DIAPH3: variants seen among roughly 807,000 people sequenced by gnomAD.
The protein encoded by DIAPH3 is protein diaphanous homolog 3.
DIAPH3 carries 117 observed loss-of-function variants against 144.3 expected under a neutral mutation model. The ratio of observed to expected loss-of-function variants is 0.81; its 90% CI spans 0.70 to 0.95. The LOEUF (loss-of-function observed/expected upper bound fraction) is 0.95. DIAPH3 is among the 40% of genes least tolerant of loss of function. DIAPH3 has a pLI of 0.00. For missense variants in DIAPH3, 1,421 were observed against 1,412.7 expected, an observed-to-expected ratio of 1.01 and a Z score of -0.09; for synonymous variants, 519 against 488.9, an observed-to-expected ratio of 1.06 and a Z score of -0.81.
intron 9 of DIAPH3, 22 bp from the exon 10 acceptor site, chr13:59,992,605 G>C: frequency 3.2e-6 from 5 of 1,570,308 alleles, no homozygotes; most frequent in Non-Finnish European, 4.4e-6. Flanking sequence ...CAAACAGTGA[G>C]ACAGACTGGG....
chr13:59,792,711 C>A (rs2039391046), intron 25 of DIAPH3, among the ~76,000 whole-genome samples: 1 of 152,174 alleles, frequency 6.6e-6, no homozygotes, highest in South Asian at 2.1e-4. Context: ...GTTTTCATAT[C>A]CTTGACTATC....
chr13:60,014,988 T>TGTTTTG (rs2053540479), intron 7 of DIAPH3, among the ~76,000 whole-genome samples: 1 of 151,642 alleles, frequency 6.6e-6, no homozygotes, highest in Non-Finnish European at 1.5e-5. Flanking sequence ...TGTTTTGTTT[T>TGTTTTG]GTTTTGTTTT....
At chr13:59,980,994 ATAT>A (rs2050969893) in intron 13 of DIAPH3, 135 bp from the exon 14 acceptor site, 3 of 691,774 alleles carry the variant, frequency 4.3e-6, no homozygotes, top group Non-Finnish European at 7.2e-6. Context: ...AATGGAAAAA[ATAT>A]TATAATGTTG....
intron 27 of DIAPH3, among the ~76,000 whole-genome samples, chr13:59,712,014 C>T (rs1402685910): frequency 6.6e-6 from 1 of 152,010 alleles, no homozygotes; most frequent in Non-Finnish European, 1.5e-5. Context: ...TCTCTTGGGA[C>T]AATAAAACAC....
At position 59,758,779 on chromosome 13, in the gene DIAPH3, C is replaced by CT. The variant is rs869088245; in HGVS notation, c.3319+15409dup. ...TCACAGAGGCAAGAATTTTCTCTCT[C>CT]TTTTTTTTTTTTTTTTAAGAGACAG... On this transcript the variant is annotated intron_variant, in intron 27 of 27. Transcript: ENST00000400324. 6.3e-3 allele frequency among the ~76,000 whole-genome samples: 875 copies of CT among 139,102 alleles called. 7 individuals carry two copies. The highest frequency in any genetic ancestry group is 0.061 in the East Asian group (290 of 4,778). 91.3% of individuals were successfully genotyped at this position (139,102 alleles called of 152,430 possible).
intron 19 of DIAPH3, among the ~76,000 whole-genome samples, chr13:59,915,479 T>C (rs1033312298): frequency 3.3e-5 from 5 of 152,150 alleles, no homozygotes; most frequent in African/African-American, 1.2e-4. Context: ...ATATCCGCTA[T>C]CAGAACAAAA....
intron 25 of DIAPH3, among the ~76,000 whole-genome samples, chr13:59,776,920 T>TAACAA (rs928057677): frequency 6.6e-6 from 1 of 151,726 alleles, no homozygotes; most frequent in Non-Finnish European, 1.5e-5. Flanking sequence ...GCTCAAGGCT[T>TAACAA]AACAAAACAA....
intron 27 of DIAPH3, among the ~76,000 whole-genome samples, chr13:59,719,114 G>T (rs2035207518): frequency 6.6e-6 from 1 of 152,026 alleles, no homozygotes; most frequent in Admixed American, 6.6e-5. Context: ...AAACAAAACA[G>T]TAGGCTGCTC....
At position 59,696,722 on chromosome 13, in the gene DIAPH3, T is replaced by C. The variant is rs555040718; in HGVS notation, c.3320-29876A>G. ...CAGACAAAGAGTTGGTTTGCAGTAA[T>C]TTCTGTAATGCTAAATTGAATTTTC... On this transcript the variant is annotated intron_variant, in intron 27 of 27. Coordinates refer to ENST00000400324, the MANE Select transcript of DIAPH3 (RefSeq NM_001042517.2). Among the ~76,000 whole-genome samples, 7 of 152,314 alleles carry C rather than the reference T, an allele frequency of 4.6e-5. No homozygotes were observed. The East Asian group carries it at 1.4e-3, about 29-fold the overall frequency.
chr13:59,884,043 C>T (rs1010747591), intron 20 of DIAPH3, among the ~76,000 whole-genome samples: 7 of 152,138 alleles, frequency 4.6e-5, no homozygotes, highest in African/African-American at 9.7e-5. Context: ...CGGGCCTGAG[C>T]GAGCAGGTGA....
At chr13:59,917,578 A>G (rs1250776974) in intron 18 of DIAPH3, among the ~76,000 whole-genome samples, 1 of 152,256 alleles carries the variant, frequency 6.6e-6, no homozygotes, top group East Asian at 1.9e-4. Context: ...AAGATGAAAT[A>G]TGTAAATGGT....
At chr13:60,147,243 T>A (rs1952508969) in intron 1 of DIAPH3, 1 of 152,190 alleles carries the variant, frequency 6.6e-6, no homozygotes, top group African/African-American at 2.4e-5. Context: ...TTGTGCAAAT[T>A]CCTATTTACA....
intron 14 of DIAPH3, 45 bp downstream of exon 14, chr13:59,980,750 A>C (rs1314790157): frequency 6.6e-7 from 1 of 1,516,968 alleles, no homozygotes; most frequent in South Asian, 1.1e-5. Flanking sequence ...GCATGCCTGC[A>C]GTGGTTCCCC....
At chr13:60,130,902 A>G (rs983139014) in intron 2 of DIAPH3, among the ~76,000 whole-genome samples, 3 of 152,182 alleles carry the variant, frequency 2.0e-5, no homozygotes, top group Non-Finnish European at 2.9e-5. Flanking sequence ...AAAGTCCTCA[A>G]TGAGGAACTC....
chr13:59,928,618 T>C (rs2047868100), intron 17 of DIAPH3, among the ~76,000 whole-genome samples: 1 of 152,298 alleles, frequency 6.6e-6, no homozygotes, highest in East Asian at 1.9e-4. Flanking sequence ...AGCCACATAG[T>C]CTCTGTGTGA....
intron 1 of DIAPH3, among the ~76,000 whole-genome samples, chr13:60,151,770 A>G (rs948865421): frequency 6.6e-6 from 1 of 152,208 alleles, no homozygotes; most frequent in African/African-American, 2.4e-5. Context: ...CCCTCAAAAG[A>G]GACTGAGTGG....
At chr13:59,940,097 C>T (rs2048456388) in intron 17 of DIAPH3, among the ~76,000 whole-genome samples, 1 of 152,122 alleles carries the variant, frequency 6.6e-6, no homozygotes, top group Non-Finnish European at 1.5e-5. Context: ...ACAATCTTAC[C>T]TTCAGTGTAA....
intron 15 of DIAPH3, 43 bp downstream of exon 15, chr13:59,974,309 A>G (rs772134725): frequency 7.1e-7 from 1 of 1,413,032 alleles, no homozygotes; most frequent in Non-Finnish European, 1.0e-6. Flanking sequence ...TTGCTCCCTC[A>G]CTGTGTTTTT....
At chr13:59,771,737 A>G (rs1447153893) in intron 27 of DIAPH3, among the ~76,000 whole-genome samples, 5 of 152,150 alleles carry the variant, frequency 3.3e-5, no homozygotes, top group Non-Finnish European at 7.4e-5. Flanking sequence ...TAAACAAGTT[A>G]TCAGACCTCT....
Sources: allele counts gnomAD v4.1 joint callset (sites outside exome capture counted in the v4.1 genomes callset), GRCh38; gene constraint gnomAD v4.1.1; transcripts MANE v1.5; gene names NCBI Gene and HGNC (gene_info 2026-07-23, HGNC 2026-07-21).